RC3H2: variants seen among roughly 807,000 people sequenced by gnomAD.
RC3H2 encodes the protein roquin-2.
In RC3H2, 31 loss-of-function variants were observed where a neutral mutation model predicts 133.3. That is an observed-to-expected ratio of 0.23 (90% CI 0.17 to 0.31). RC3H2 has a LOEUF of 0.31. RC3H2 is among the 10% of genes least tolerant of loss of function. The pLI, the probability that RC3H2 is intolerant of heterozygous loss-of-function variation, is 1.00. For synonymous variants in RC3H2, 517 were observed against 502.2 expected, an observed-to-expected ratio of 1.03 and a Z score of -0.40; for missense variants, 1,175 against 1,437.2, an observed-to-expected ratio of 0.82 and a Z score of 2.95.
chr9:122,891,707 G>A (rs1832183073), intron 3 of RC3H2, among the ~76,000 whole-genome samples: 1 of 152,180 alleles, frequency 6.6e-6, no homozygotes, highest in Non-Finnish European at 1.5e-5. Context: ...ATAAATGAAT[G>A]AATGAATACA....
chr9:122,854,103 A>G lies in RC3H2; in HGVS notation c.2983-17T>C, dbSNP rs1227656618. The G allele has an allele frequency of 6.2e-7, 1 of 1,612,424 alleles. No homozygotes were observed. The highest frequency in any genetic ancestry group is 1.1e-5 in the South Asian group (1 of 90,756). ...GCTCTTGGCCTATATGAGGAGGGAA[A>G]AAAAGAAAAGTTAGCTTCCAACTAT... On this transcript the variant is annotated splice_polypyrimidine_tract_variant and intron_variant, in intron 17 of 20. Transcript: ENST00000357244.
At position 122,865,506 on chromosome 9, in the gene RC3H2, T is replaced by A. The variant is rs765726062; in HGVS notation, c.1477A>T (p.Thr493Ser). Residue 493 changes from threonine to serine, a missense_variant, in exon 10 of 21, where the codon ACA (threonine) becomes TCA (serine). By Grantham distance (58) the Thr-to-Ser change is moderately conservative. Around this residue, in one of 8 missense-constraint regions of RC3H2, gnomAD observed 490 missense variants for 492.8 expected, o/e 0.99. Transcript: ENST00000357244. ...TETTGKIVPS[T>S]NGISNAENSV... is the part of the protein sequence containing the mutation. ...TTTTCTGCATTTGAAATTCCGTTTGTACTTGGAACAATTTTCCCTGTTGTT... is the reference window on the plus strand; with the variant it reads ...TTTTCTGCATTTGAAATTCCGTTTGAACTTGGAACAATTTTCCCTGTTGTT... 5 of 1,614,232 alleles carry A rather than the reference T, an allele frequency of 3.1e-6. No individual in the cohort carries two copies. The highest frequency in any genetic ancestry group is 2.2e-5 in the East Asian group (1 of 44,888).
At chr9:122,859,836 T>G (rs1365127715) in intron 11 of RC3H2, 81 bp downstream of exon 11, 1 of 1,158,502 alleles carries the variant, frequency 8.6e-7, no homozygotes, top group Non-Finnish European at 1.3e-6. Context: ...TTTTTAAATG[T>G]AGACATTCTA....
intron 10 of RC3H2, among the ~76,000 whole-genome samples, chr9:122,860,463 A>G (rs1588061114): frequency 7.2e-6 from 1 of 139,518 alleles, no homozygotes; most frequent in East Asian, 2.1e-4. Flanking sequence ...GCTGGAGTGC[A>G]CTGACATAAT....
rs1157070775 is a variant in RC3H2, at chr9:122,851,357, G to A, written c.3197C>T (p.Thr1066Ile). The change falls in exon 19 of 21, where the codon ACT becomes ATT. Residue 1066 changes from threonine to isoleucine, a missense_variant. Coordinates refer to ENST00000357244, the MANE Select transcript of RC3H2 (RefSeq NM_001100588.3). ...TTCACTTTGTCCATCAGGTTCATCA[G>A]TATCAAGTGCTGAAAGCTCTAACTC... ...DIELELSALD[T>I]DEPDGQSEPI... 2 of 1,614,148 alleles carry A rather than the reference G, an allele frequency of 1.2e-6. No homozygotes were observed. The highest frequency in any genetic ancestry group is 1.3e-5 in the African/African-American group (1 of 75,060).
At chr9:122,865,760 A>ATTTTTTTTTTTTTTTTTTT in intron 9 of RC3H2, 103 bp from the exon 10 acceptor site, 1 of 969,142 alleles carries the variant, frequency 1.0e-6, no homozygotes. Flanking sequence ...AGGAGGAAAC[A>ATTTTTTTTTTTTTTTTTTT]GTTTTGACAA....
chr9:122,886,622 C>T (rs538941119), intron 4 of RC3H2, among the ~76,000 whole-genome samples: 4 of 152,250 alleles, frequency 2.6e-5, no homozygotes, highest in African/African-American at 7.2e-5. Flanking sequence ...CCAGAAGTTC[C>T]GAAGTTACAG....
Position 122,865,750 on chromosome 9 carries a change from A to G in RC3H2, c.1326-93T>C, listed in dbSNP as rs1365822832. The G allele has an allele frequency of 8.4e-6, 9 of 1,070,232 alleles. No individual in the cohort carries two copies. In the Admixed American group the frequency reaches 1.8e-4, roughly 22 times the overall value. The allele number at this position is 1,070,232 out of a possible 1,614,324, so 66.3% of individuals were successfully genotyped here. A position where few individuals can be genotyped will look rare whatever the true frequency, so the allele number is the denominator to read the frequency against. Reference sequence around the variant, plus strand: ...ATGGGCAATGGGAATAGATTGAAAAAGGAGGAAACAGTTTTGACAAAAAGT... The same window carrying G: ...ATGGGCAATGGGAATAGATTGAAAAGGGAGGAAACAGTTTTGACAAAAAGT... On this transcript the variant is annotated intron_variant, in intron 9 of 20. Coordinates refer to ENST00000357244, the MANE Select transcript of RC3H2 (RefSeq NM_001100588.3).
intron 20 of RC3H2, among the ~76,000 whole-genome samples, chr9:122,850,353 T>C (rs1829973260): frequency 1.3e-5 from 2 of 152,124 alleles, no homozygotes; most frequent in Admixed American, 1.3e-4. Context: ...AAGTTGAAGA[T>C]TAAGCCCATA....
At chr9:122,894,329 C>T (rs1274610008) in intron 2 of RC3H2, among the ~76,000 whole-genome samples, 1 of 151,810 alleles carries the variant, frequency 6.6e-6, no homozygotes, top group Non-Finnish European at 1.5e-5. Context: ...GCACTGGACA[C>T]AGTTATAGGT....
intron 1 of RC3H2, 42 bp from the exon 2 acceptor site, chr9:122,897,618 T>C: frequency 7.3e-7 from 1 of 1,377,894 alleles, no homozygotes. Flanking sequence ...ATATTCATCA[T>C]TCACCTTTGA....
rs1829897885 is a variant in RC3H2, at chr9:122,847,643, T to C, written c.*1984A>G. On this transcript the variant is annotated 3_prime_UTR_variant, in exon 21 of 21. Coordinates refer to ENST00000357244, the MANE Select transcript of RC3H2 (RefSeq NM_001100588.3). ...TCCTGTAATATTCTAGGCTAATTTA[T>C]AATGTCAGAAAAGTTAATGTAACAT... The C allele has an allele frequency of 0.011, 1 of 88 alleles. No individual in the cohort carries two copies. The highest frequency in any genetic ancestry group is 0.025 in the Non-Finnish European group (1 of 40). 0.0% of individuals were successfully genotyped at this position (88 alleles called of 1,614,324 possible).
chr9:122,893,817 T>C (rs1212017820), intron 2 of RC3H2, among the ~76,000 whole-genome samples: 1 of 152,024 alleles, frequency 6.6e-6, no homozygotes. Context: ...TAAGACAGAG[T>C]GTTCTCATTC....
chr9:122,898,865 T>C (rs899416754), intron 1 of RC3H2, among the ~76,000 whole-genome samples: 2 of 152,032 alleles, frequency 1.3e-5, no homozygotes, highest in Non-Finnish European at 2.9e-5. Flanking sequence ...ATTCAAGACT[T>C]AACATAAGTC....
intron 13 of RC3H2, among the ~76,000 whole-genome samples, chr9:122,857,625 C>T (rs924818335): frequency 6.6e-6 from 1 of 152,140 alleles, no homozygotes; most frequent in East Asian, 1.9e-4. Context: ...ACAGTGCTGG[C>T]ATGAGTAGGT....
rs1003886557 is a variant in RC3H2 at position 122,848,896 on chromosome 9, C to G, written c.*731G>C. 1 of 152,052 alleles carries G rather than the reference C, an allele frequency of 6.6e-6. No individual in the cohort carries two copies. The highest frequency in any genetic ancestry group is 1.5e-5 in the Non-Finnish European group (1 of 68,002). The allele number at this position is 152,052 out of a possible 1,614,324, so 9.4% of individuals were successfully genotyped here. A position where few individuals can be genotyped will look rare whatever the true frequency, so the allele number is the denominator to read the frequency against. On this transcript the variant is annotated 3_prime_UTR_variant, in exon 21 of 21. Transcript: ENST00000357244. ...GTACATCAGCTGAAAGACTTAGGCA[C>G]TTGGTTATATTTTTAATTAATTACT...
intron 9 of RC3H2, among the ~76,000 whole-genome samples, chr9:122,867,882 G>A (rs1274250048): frequency 2.0e-4 from 13 of 64,004 alleles, no homozygotes; most frequent in South Asian, 7.7e-4. Context: ...CACCCCGTCC[G>A]GGAGGGAGGT....
intron 4 of RC3H2, among the ~76,000 whole-genome samples, chr9:122,886,974 T>TA (rs1352511563): frequency 6.6e-6 from 1 of 152,232 alleles, no homozygotes; most frequent in African/African-American, 2.4e-5. Flanking sequence ...TTAAATTCTA[T>TA]ATAAAAGTAG....
chr9:122,878,074 G>A (rs1831416210), intron 8 of RC3H2, among the ~76,000 whole-genome samples: 1 of 152,114 alleles, frequency 6.6e-6, no homozygotes, highest in Non-Finnish European at 1.5e-5. Context: ...TTCATACAAT[G>A]AGGCAGAATA....
Sources: gnomAD v4.1 joint callset for allele counts (sites outside exome capture counted in the v4.1 genomes callset) on GRCh38, gnomAD v4.1.1 for gene constraint, gnomAD v4.1.1 regional missense constraint, MANE v1.5 for transcripts, NCBI Gene and HGNC (gene_info 2026-07-23, HGNC 2026-07-21) for gene names.